Variants in PTPRN2 observed in about 807,000 individuals in gnomAD.
PTPRN2 encodes the protein protein tyrosine phosphatase receptor type N2, also known as receptor-type tyrosine-protein phosphatase N2.
A neutral mutation model predicts 118.8 loss-of-function variants in PTPRN2; 74 were observed. The observed-to-expected ratio is 0.62, with a 90% CI of 0.52 to 0.76. The LOEUF (loss-of-function observed/expected upper bound fraction) is 0.76, where lower values mean the gene tolerates loss of function less well. Ranked by LOEUF, PTPRN2 falls within the 30% of genes least tolerant of loss-of-function variation. The pLI, the probability that PTPRN2 is intolerant of heterozygous loss-of-function variation, is 0.00. For missense variants in PTPRN2, 1,481 were observed against 1,394.4 expected (o/e 1.06, Z -0.99); for synonymous variants, 641 against 608.0 (o/e 1.05, Z -0.80).
At chr7:157,799,864 CCT>C (rs1437469298) in intron 12 of PTPRN2, among the ~76,000 whole-genome samples, 4 of 128,984 alleles carry the variant, frequency 3.1e-5, no homozygotes, top group Admixed American at 7.4e-5. Flanking sequence ...CAGCCGGCCC[CCT>C]CCATCCCTCA....
intron 12 of PTPRN2, among the ~76,000 whole-genome samples, chr7:157,820,117 A>G (rs1308762809): frequency 6.7e-6 from 1 of 150,266 alleles, no homozygotes; most frequent in Non-Finnish European, 1.5e-5. Context: ...TCACACATGC[A>G]CTCCACATAC....
intron 12 of PTPRN2, among the ~76,000 whole-genome samples, chr7:157,829,748 C>T (rs969302653): frequency 7.9e-5 from 12 of 152,198 alleles, no homozygotes; most frequent in Non-Finnish European, 1.3e-4. Context: ...GGAGAGCAGC[C>T]GCATTGAAGG....
intron 2 of PTPRN2, among the ~76,000 whole-genome samples, chr7:158,482,936 C>T (rs761319921): frequency 3.3e-5 from 5 of 152,202 alleles, no homozygotes; most frequent in Non-Finnish European, 5.9e-5. Flanking sequence ...CCCTTCTCCT[C>T]GGAGGCAGGT....
intron 12 of PTPRN2, among the ~76,000 whole-genome samples, chr7:157,816,037 C>T (rs143614765): frequency 2.0e-5 from 3 of 152,344 alleles, no homozygotes; most frequent in Non-Finnish European, 2.9e-5. Flanking sequence ...GTACAGATCA[C>T]GCCCTCTCGC....
intron 11 of PTPRN2, among the ~76,000 whole-genome samples, chr7:158,065,147 A>G (rs567924403): frequency 3.3e-5 from 5 of 152,224 alleles, no homozygotes; most frequent in Non-Finnish European, 7.3e-5. Context: ...AACGCCTGAC[A>G]TGGCAGTGGC....
At position 157,794,219 on chromosome 7, in the gene PTPRN2, A is replaced by G. The variant is rs1422647963; in HGVS notation, c.1788+104454T>C. Among the ~76,000 whole-genome samples the G allele has an allele frequency of 1.1e-5, 1 of 89,654 alleles. No individual in the cohort carries two copies. The highest frequency in any genetic ancestry group is 4.6e-5 in the African/African-American group (1 of 21,666). 58.8% of individuals were successfully genotyped at this position (89,654 alleles called of 152,430 possible). A position where few individuals can be genotyped will look rare whatever the true frequency, so the allele number is the denominator to read the frequency against. Reference sequence around the variant, plus strand: ...GATCACACCTCCGACCCGGGCTCACACCTCCCCTCGTTCTCTGCTCCGACC... The same window carrying G: ...GATCACACCTCCGACCCGGGCTCACGCCTCCCCTCGTTCTCTGCTCCGACC... On this transcript the variant is annotated intron_variant, in intron 12 of 22. Coordinates refer to ENST00000389418, the MANE Select transcript of PTPRN2 (RefSeq NM_002847.5). The surrounding 1 kb of genome is among the most constrained non-coding windows in gnomAD (Gnocchi z 5.2).
At chr7:158,273,806 G>A (rs1402486760) in intron 3 of PTPRN2, among the ~76,000 whole-genome samples, 2 of 68,890 alleles carry the variant, frequency 2.9e-5, no homozygotes, top group Admixed American at 3.1e-4. Flanking sequence ...CGCAGACACA[G>A]GGGGAGCCGC....
At chr7:157,738,190 A>T (rs1800411383) in intron 12 of PTPRN2, among the ~76,000 whole-genome samples, 1 of 152,262 alleles carries the variant, frequency 6.6e-6, no homozygotes, top group South Asian at 2.1e-4. Flanking sequence ...ATGTGGCCGT[A>T]CACAATAAGC....
intron 12 of PTPRN2, among the ~76,000 whole-genome samples, chr7:157,758,651 T>C (rs967217456): frequency 1.3e-5 from 2 of 152,194 alleles, no homozygotes; most frequent in African/African-American, 4.8e-5. Context: ...CTGGCATGTC[T>C]CCTGCATCCC....
In PTPRN2 at chr7:158,571,502, C is replaced by CAA. The variant is rs869132079; in HGVS notation, c.112+16054_112+16055dup. Among the ~76,000 whole-genome samples, 33 of 91,466 alleles carry CAA rather than the reference C, an allele frequency of 3.6e-4. 1 individual carries two copies. The highest frequency in any genetic ancestry group is 1.2e-3 in the African/African-American group (31 of 25,924). 60.0% of individuals were successfully genotyped at this position (91,466 alleles called of 152,430 possible). On this transcript the variant is annotated intron_variant, in intron 1 of 22. Transcript: ENST00000389418. ...CAAAAAAAACAAAAACAAAAAAAAACAAAAAAAAACACACACCTATTTCTT... is the reference window on the plus strand; with the variant it reads ...CAAAAAAAACAAAAACAAAAAAAAACAAAAAAAAAAACACACACCTATTTCTT...
At chr7:157,644,448 C>T (rs1054377603) in intron 14 of PTPRN2, among the ~76,000 whole-genome samples, 1 of 152,192 alleles carries the variant, frequency 6.6e-6, no homozygotes, top group Non-Finnish European at 1.5e-5. Flanking sequence ...GGTCCACAGA[C>T]CTCACATAGC....
intron 3 of PTPRN2, among the ~76,000 whole-genome samples, chr7:158,267,315 GA>G (rs66739565): frequency 0.24 from 36,854 of 152,096 alleles, 4,651 homozygotes; most frequent in Middle Eastern, 0.31. Flanking sequence ...TTCCCGCGGG[GA>G]ACCCCGGGGG....
chr7:158,363,552 C>T (rs1004753278), intron 2 of PTPRN2, among the ~76,000 whole-genome samples: 8 of 152,230 alleles, frequency 5.3e-5, no homozygotes, highest in African/African-American at 1.9e-4. Flanking sequence ...CCTGGAAGGG[C>T]CTCACCCAGT....
chr7:158,122,937 G>C (rs542158205), intron 9 of PTPRN2, among the ~76,000 whole-genome samples: 1 of 152,082 alleles, frequency 6.6e-6, no homozygotes, highest in African/African-American at 2.4e-5. Flanking sequence ...TTGTGGGCCA[G>C]ATGAAATCAA....
intron 13 of PTPRN2, among the ~76,000 whole-genome samples, chr7:157,667,386 T>G (rs1008931646): frequency 1.3e-5 from 2 of 151,542 alleles, no homozygotes; most frequent in South Asian, 2.1e-4. Context: ...CAGCCTGACT[T>G]GCACACTCGG....
intron 12 of PTPRN2, among the ~76,000 whole-genome samples, chr7:157,812,223 C>T (rs563159632): frequency 2.7e-4 from 41 of 152,282 alleles, no homozygotes; most frequent in African/African-American, 9.6e-4. Context: ...TCATTAGATC[C>T]GAGGGGCCGT....
rs536887585 is a variant in PTPRN2 at position 158,482,937 on chromosome 7, G to A, written c.163+6798C>T. ...AGAATTCCCCCAGCCCCTTCTCCTC[G>A]GAGGCAGGTCATAAGACCCTCATTC... On this transcript the variant is annotated intron_variant, in intron 2 of 22. Transcript: ENST00000389418. Among the ~76,000 whole-genome samples the A allele has an allele frequency of 3.0e-4, 46 of 152,250 alleles. 1 individual carries two copies. Among genetic ancestry groups the A allele is most frequent in the South Asian group, 1.9e-3 (9 of 4,816 alleles).
chr7:157,544,526 G>C (rs558308267), intron 22 of PTPRN2, among the ~76,000 whole-genome samples: 123 of 152,262 alleles, frequency 8.1e-4, no homozygotes, highest in African/African-American at 2.9e-3. Flanking sequence ...GGACATGCGA[G>C]GGGCCTCCCG....
At position 158,247,223 on chromosome 7, in the gene PTPRN2, G is replaced by A. The variant is rs150170858; in HGVS notation, c.278-41950C>T. ...CCAGCATGGCCAGGAGCACCGAGGC[G>A]CACGCTGGGCTCTGAGACGCCCCCT... is the stretch of plus-strand genomic sequence containing the variant. On this transcript the variant is annotated intron_variant, in intron 3 of 22. Transcript: ENST00000389418. Among the ~76,000 whole-genome samples the A allele has an allele frequency of 2.3e-3, 357 of 152,304 alleles. 2 individuals are homozygous for A. The highest frequency in any genetic ancestry group is 7.3e-3 in the African/African-American group (305 of 41,570).
Sources: gnomAD v4.1 joint callset for allele counts (sites outside exome capture counted in the v4.1 genomes callset) on GRCh38, gnomAD v4.1.1 for gene constraint, Gnocchi (gnomAD v3.1) non-coding constraint, MANE v1.5 for transcripts, NCBI Gene and HGNC (gene_info 2026-07-23, HGNC 2026-07-21) for gene names.